Variants in BACE2 observed in about 807,000 individuals in gnomAD.
BACE2 encodes beta-secretase 2, also known as 56 kDa aspartic-like protease.
In BACE2, 17 loss-of-function variants were observed where a neutral mutation model predicts 46.2. The ratio of observed to expected loss-of-function variants is 0.37; its 90% CI spans 0.25 to 0.55. The LOEUF is 0.55. Ranked by LOEUF, BACE2 falls within the 20% of genes least tolerant of loss-of-function variation. The pLI, the probability that BACE2 is intolerant of heterozygous loss-of-function variation, is 0.82. For missense variants in BACE2, 595 were observed against 698.1 expected (o/e 0.85, Z 1.66); for synonymous variants, 277 against 295.9 (o/e 0.94, Z 0.66).
intron 8 of BACE2, among the ~76,000 whole-genome samples, chr21:41,264,676 G>A (rs1988024248): frequency 6.6e-6 from 1 of 151,962 alleles, no homozygotes; most frequent in African/African-American, 2.4e-5. Context: ...CTGGGGGGTG[G>A]TAGTAAACCA....
intron 7 of BACE2, among the ~76,000 whole-genome samples, chr21:41,251,358 C>T (rs1035269888): frequency 4.6e-5 from 7 of 152,162 alleles, no homozygotes; most frequent in African/African-American, 1.2e-4. Context: ...GCCCAGATTC[C>T]GAGGATGAGG....
intron 1 of BACE2, chr21:41,186,832 C>G (rs1348502865): frequency 6.6e-6 from 1 of 152,242 alleles, no homozygotes; most frequent in African/African-American, 2.4e-5. Flanking sequence ...CTACCTTTAA[C>G]TATATGCAAA....
At position 41,267,096 on chromosome 21, in the gene BACE2, G is replaced by A. The variant is rs568068135; in HGVS notation, c.1304-8275G>A. Among the ~76,000 whole-genome samples, 16 of 152,198 alleles carry A rather than the reference G, an allele frequency of 1.1e-4. No individual in the cohort carries two copies. The South Asian group carries it at 3.1e-3, about 30-fold the overall frequency. ...TGGGACACTTTTTCAAAATACACCT[G>A]GTCAACATCCTCACGCCCTTTTCCA... is the stretch of plus-strand genomic sequence containing the variant. On this transcript the variant is annotated intron_variant, in intron 8 of 8. Coordinates refer to ENST00000330333, the MANE Select transcript of BACE2 (RefSeq NM_012105.5).
chr21:41,171,896 A>G (rs1338223860), intron 1 of BACE2, among the ~76,000 whole-genome samples: 2 of 152,246 alleles, frequency 1.3e-5, no homozygotes, highest in Non-Finnish European at 2.9e-5. Context: ...GGCGAATCCT[A>G]TTTTAATCAT....
rs1321605124 is a variant in BACE2, at chr21:41,279,196, T to C, written c.*3572T>C. 6.6e-6 allele frequency: 1 copy of C among 152,202 alleles called. No individual in the cohort carries two copies. Among genetic ancestry groups the C allele is most frequent in the African/African-American group, 2.4e-5 (1 of 41,446 alleles). The allele number at this position is 152,202 out of a possible 1,614,324, so 9.4% of individuals were successfully genotyped here. A position where few individuals can be genotyped will look rare whatever the true frequency, so the allele number is the denominator to read the frequency against. On this transcript the variant is annotated 3_prime_UTR_variant, in exon 9 of 9. Coordinates refer to ENST00000330333, the MANE Select transcript of BACE2 (RefSeq NM_012105.5). ...TTCACGTTTGAACTTTACAGCTGTTTACCAATTAAATGGCAAGCTGGAAAA... is the reference window on the plus strand; with the variant it reads ...TTCACGTTTGAACTTTACAGCTGTTCACCAATTAAATGGCAAGCTGGAAAA...
At chr21:41,224,738 A>C (rs1308315894) in intron 1 of BACE2, among the ~76,000 whole-genome samples, 1 of 152,216 alleles carries the variant, frequency 6.6e-6, no homozygotes, top group Non-Finnish European at 1.5e-5. Context: ...ATTGGTCCCT[A>C]GGGGACTGCA....
intron 1 of BACE2, among the ~76,000 whole-genome samples, chr21:41,198,634 G>A (rs961974685): frequency 2.0e-5 from 3 of 152,160 alleles, no homozygotes; most frequent in African/African-American, 7.2e-5. Context: ...TCTACTCTAC[G>A]GGTGGCGTAT....
Position 41,241,949 on chromosome 21 carries a change from T to C in BACE2, c.747+2T>C. 6.2e-7 allele frequency: 1 copy of C among 1,614,070 alleles called. No homozygotes were observed. The highest frequency in any genetic ancestry group is 8.5e-7 in the Non-Finnish European group (1 of 1,180,010). The stretch of plus-strand genomic sequence containing the variant: ...TCTGGGACCAACGGAGGTAGTCTTG[T>C]GGGTATCTTTTAGTCTTAAAGGGGC... On this transcript the variant is annotated splice_donor_variant, in intron 4 of 8. Coordinates refer to ENST00000330333, the MANE Select transcript of BACE2 (RefSeq NM_012105.5). LOFTEE classifies it high-confidence loss of function.
At chr21:41,180,051 C>T in intron 1 of BACE2, 1 of 286,962 alleles carries the variant, frequency 3.5e-6, no homozygotes. Context: ...CAGGGCTGCC[C>T]TACAGGCTGT....
At chr21:41,168,791 G>A (rs1182372863) in intron 1 of BACE2, among the ~76,000 whole-genome samples, 3 of 152,126 alleles carry the variant, frequency 2.0e-5, no homozygotes, top group Non-Finnish European at 4.4e-5. Flanking sequence ...GCGCACTGAG[G>A]GGTGTGCGCG....
intron 2 of BACE2, among the ~76,000 whole-genome samples, chr21:41,230,794 TG>T (rs1202696681): frequency 1.3e-5 from 2 of 152,144 alleles, no homozygotes; most frequent in Admixed American, 6.5e-5. Flanking sequence ...CTTTTCATGG[TG>T]GTGAATGTTC....
intron 7 of BACE2, among the ~76,000 whole-genome samples, chr21:41,253,005 C>A (rs186573793): frequency 1.3e-5 from 2 of 152,288 alleles, no homozygotes; most frequent in East Asian, 3.9e-4. Flanking sequence ...TTTAGCCCTG[C>A]CTGTGTCTCT....
chr21:41,227,657 A>G (rs1986858842), intron 2 of BACE2, among the ~76,000 whole-genome samples: 1 of 152,212 alleles, frequency 6.6e-6, no homozygotes, highest in African/African-American at 2.4e-5. Flanking sequence ...TCAGAAAAAT[A>G]TGGCTGGCCC....
intron 7 of BACE2, among the ~76,000 whole-genome samples, chr21:41,255,736 C>CT (rs552643767): frequency 6.6e-6 from 1 of 151,658 alleles, no homozygotes; most frequent in African/African-American, 2.4e-5. Context: ...TAAACTCTGA[C>CT]TTTTTTTTTA....
intron 1 of BACE2, among the ~76,000 whole-genome samples, chr21:41,225,006 G>A (rs1376168633): frequency 6.6e-6 from 1 of 152,098 alleles, no homozygotes; most frequent in South Asian, 2.1e-4. Flanking sequence ...AGGCCGAGGC[G>A]GGCAGATCAC....
At chr21:41,246,830 AG>A (rs1197112383) in intron 6 of BACE2, among the ~76,000 whole-genome samples, 1 of 152,126 alleles carries the variant, frequency 6.6e-6, no homozygotes, top group African/African-American at 2.4e-5. Context: ...ATGCCTGGCG[AG>A]GGGTTTTGTG....
At chr21:41,256,748 C>T (rs1430127720) in intron 7 of BACE2, among the ~76,000 whole-genome samples, 3 of 152,156 alleles carry the variant, frequency 2.0e-5, no homozygotes, top group African/African-American at 7.2e-5. Context: ...TGTATAAAAC[C>T]AGGCTGTGCC....
intron 1 of BACE2, among the ~76,000 whole-genome samples, chr21:41,189,612 A>G (rs946878323): frequency 6.6e-6 from 1 of 152,172 alleles, no homozygotes; most frequent in Non-Finnish European, 1.5e-5. Context: ...GTCTCATGCT[A>G]GAGGCTTTCC....
intron 1 of BACE2, chr21:41,179,995 C>T (rs754031681): frequency 5.8e-6 from 2 of 347,246 alleles, no homozygotes; most frequent in East Asian, 8.2e-5. Flanking sequence ...TTTATTGAAG[C>T]GGCCGGCTGT....
Sources: allele counts gnomAD v4.1 joint callset (sites outside exome capture counted in the v4.1 genomes callset), GRCh38; gene constraint gnomAD v4.1.1; transcripts MANE v1.5; gene names NCBI Gene and HGNC (gene_info 2026-07-23, HGNC 2026-07-21).